The following PCDHGA1 variants were observed in gnomAD, a reference collection of about 807,000 sequenced individuals.
The protein encoded by PCDHGA1 is protocadherin gamma subfamily A, 1.
Under a neutral mutation model 58.0 loss-of-function variants are expected in PCDHGA1, and 32 were observed. The observed-to-expected ratio is 0.55, with a 90% CI of 0.42 to 0.74. The LOEUF (loss-of-function observed/expected upper bound fraction) is 0.74, where lower values mean the gene tolerates loss of function less well. PCDHGA1 is among the 30% of genes least tolerant of loss of function. PCDHGA1 has a pLI of 0.00. For missense variants in PCDHGA1, 1,205 were observed against 1,182.3 expected, an observed-to-expected ratio of 1.02 and a Z score of -0.28; for synonymous variants, 498 against 501.1, an observed-to-expected ratio of 0.99 and a Z score of 0.08.
intron 1 of PCDHGA1, chr5:141,393,545 C>CCCGATTTA (rs1171677857): frequency 1.2e-6 from 2 of 1,613,858 alleles, no homozygotes; most frequent in African/African-American, 1.3e-5. Context: ...TTTTTCCTCA[C>CCCGATTTA]CCGATTTACC....
chr5:141,342,103 G>A (rs1054357934), intron 1 of PCDHGA1: 1 of 46,066 alleles, frequency 2.2e-5, no homozygotes, highest in Admixed American at 2.2e-4. Flanking sequence ...TAATAAACAG[G>A]TTTCTCCTTT....
rs2090285300 is a variant in PCDHGA1 at position 141,385,561 on chromosome 5, TC to T, written c.2421+52458del. On this transcript the variant is annotated intron_variant, in intron 1 of 3. Coordinates refer to ENST00000517417, the MANE Select transcript of PCDHGA1 (RefSeq NM_018912.3). ...ATGTGGACTATCACATTTTATAATT[TC>T]CACCTACTTTCCAATCTATGTTCCA... The T allele has an allele frequency of 1.2e-5, 16 of 1,309,040 alleles. No homozygotes were observed. In the South Asian group the frequency reaches 3.4e-4, roughly 28 times the overall value. 81.1% of individuals were successfully genotyped at this position (1,309,040 alleles called of 1,614,324 possible).
chr5:141,344,422 C>T (rs771729172), intron 1 of PCDHGA1: 52 of 1,612,410 alleles, frequency 3.2e-5, no homozygotes, highest in Non-Finnish European at 4.3e-5. Context: ...AATGATAATG[C>T]TCCTAATTTC....
At chr5:141,362,250 C>A (rs997382173) in intron 1 of PCDHGA1, 5 of 1,614,018 alleles carry the variant, frequency 3.1e-6, no homozygotes, top group Non-Finnish European at 4.2e-6. Flanking sequence ...TCTTCTTCCT[C>A]GCGGTGATTC....
chr5:141,491,072 C>T lies in PCDHGA1; in HGVS notation c.2422-3735C>T, dbSNP rs778221466. The T allele has an allele frequency of 6.2e-7, 1 of 1,614,204 alleles. No individual in the cohort carries two copies. Among genetic ancestry groups the T allele is most frequent in the South Asian group, 1.1e-5 (1 of 91,086 alleles). On this transcript the variant is annotated intron_variant, in intron 1 of 3. Coordinates refer to ENST00000517417, the MANE Select transcript of PCDHGA1 (RefSeq NM_018912.3). The surrounding 1 kb of genome is among the most constrained non-coding windows in gnomAD (Gnocchi z 6.9). ...GCGTGGCTCTCCTACTCACTGTTGCCACAGTCCACAGCCCCAGGACTGTTC... is the reference window on the plus strand; with the variant it reads ...GCGTGGCTCTCCTACTCACTGTTGCTACAGTCCACAGCCCCAGGACTGTTC...
chr5:141,352,097 T>G (rs761063437), intron 1 of PCDHGA1: 2 of 1,605,974 alleles, frequency 1.2e-6, no homozygotes, highest in Admixed American at 1.7e-5. Flanking sequence ...GCCCGGGCTC[T>G]TCAGCCTGGG....
Position 141,447,603 on chromosome 5 carries a change from T to G in PCDHGA1, c.2422-47204T>G, listed in dbSNP as rs146950525. On this transcript the variant is annotated intron_variant, in intron 1 of 3. Transcript: ENST00000517417. ...ATACCTTAAACATCCTATAGAGTCC[T>G]TAGCATTTTAAAGTTGAAACCAACA... Among the ~76,000 whole-genome samples, 378 of 152,270 alleles carry G rather than the reference T, an allele frequency of 2.5e-3. 1 individual carries two copies. Among genetic ancestry groups the G allele is most frequent in the Non-Finnish European group, 4.5e-3 (309 of 68,030 alleles).
intron 1 of PCDHGA1, chr5:141,362,455 T>C (rs1762512121): frequency 6.2e-7 from 1 of 1,614,010 alleles, no homozygotes; most frequent in Non-Finnish European, 8.5e-7. Flanking sequence ...AACCCCGGAA[T>C]TGGTTCCCGC....
At chr5:141,443,953 T>C (rs1373953428) in intron 1 of PCDHGA1, among the ~76,000 whole-genome samples, 1 of 152,142 alleles carries the variant, frequency 6.6e-6, no homozygotes, top group Non-Finnish European at 1.5e-5. Context: ...CTTATTGGTA[T>C]GTATTCTGTG....
rs561053469 is a variant in PCDHGA1 at position 141,389,531 on chromosome 5, A to G, written c.2421+56426A>G. The G allele has an allele frequency of 5.0e-6, 8 of 1,613,210 alleles. No individual in the cohort carries two copies. In the East Asian group the frequency reaches 6.7e-5, roughly 13 times the overall value. On this transcript the variant is annotated intron_variant, in intron 1 of 3. Transcript: ENST00000517417. ...GCGCGAACGTGAGCCTGCGCGTGTT[A>G]GTGGACGACCGCAACGACAATGCGC...
chr5:141,438,583 CATACATACATATATAT>C (rs1183800202), intron 1 of PCDHGA1, among the ~76,000 whole-genome samples: 1 of 57,610 alleles, frequency 1.7e-5, no homozygotes, highest in African/African-American at 9.0e-5. Context: ...TACATACATA[CATACATACATATATAT>C]ATATATATAT....
intron 1 of PCDHGA1, chr5:141,430,554 A>G (rs372392559): frequency 3.2e-5 from 13 of 411,906 alleles, no homozygotes; most frequent in Admixed American, 4.0e-5. Context: ...CTGTTCACCA[A>G]TCGGGGAGAG....
rs541533867 is a variant in PCDHGA1 at position 141,415,164 on chromosome 5, G to T, written c.2422-79643G>T. 6.8e-6 allele frequency: 11 copies of T among 1,613,838 alleles called. No individual in the cohort carries two copies. The African/African-American group carries it at 1.3e-4, about 20-fold the overall frequency. Reference sequence around the variant, plus strand: ...AGCCCCCTCTCTCCGCCACTGTCACGCTCACCGTGGCCGTGGCCGACAGCA... The same window carrying T: ...AGCCCCCTCTCTCCGCCACTGTCACTCTCACCGTGGCCGTGGCCGACAGCA... On this transcript the variant is annotated intron_variant, in intron 1 of 3. Transcript: ENST00000517417.
rs1297105453 is a variant in PCDHGA1, at chr5:141,357,419, T to C, written c.2421+24314T>C. On this transcript the variant is annotated intron_variant, in intron 1 of 3. Transcript: ENST00000517417. ...TTGGCAGGTGTGCCTGCCTCGCACT[T>C]TGTGGGCGTGGACGGGGTTCGGGCT... 4 of 1,614,064 alleles carry C rather than the reference T, an allele frequency of 2.5e-6. No homozygotes were observed. In the Admixed American group the frequency reaches 5.0e-5, roughly 20 times the overall value.
intron 1 of PCDHGA1, chr5:141,356,562 T>C (rs1760257750): frequency 6.2e-7 from 1 of 1,614,042 alleles, no homozygotes; most frequent in Admixed American, 1.7e-5. Context: ...CTTTCCCTCA[T>C]GCTTCCTACT....
intron 1 of PCDHGA1, among the ~76,000 whole-genome samples, chr5:141,347,616 G>A (rs1322206941): frequency 1.3e-5 from 2 of 152,010 alleles, no homozygotes; most frequent in Admixed American, 1.3e-4. Flanking sequence ...GTGAAAGCCT[G>A]TCTCTACTAA....
Position 141,409,527 on chromosome 5 carries a change from T to A in PCDHGA1, c.2421+76422T>A. 1 of 1,613,970 alleles carries A rather than the reference T, an allele frequency of 6.2e-7. No homozygotes were observed. Among genetic ancestry groups the A allele is most frequent in the South Asian group, 1.1e-5 (1 of 91,084 alleles). ...TCCAGTAGAAGCATCACCTTGTATGTCGCTGACATCAACGACAACGCCCCA... is the reference window on the plus strand; with the variant it reads ...TCCAGTAGAAGCATCACCTTGTATGACGCTGACATCAACGACAACGCCCCA... On this transcript the variant is annotated intron_variant, in intron 1 of 3. Coordinates refer to ENST00000517417, the MANE Select transcript of PCDHGA1 (RefSeq NM_018912.3).
In PCDHGA1 at chr5:141,355,063, C is replaced by T. The variant is rs902736924; in HGVS notation, c.2421+21958C>T. The T allele has an allele frequency of 8.4e-6, 11 of 1,314,420 alleles. No homozygotes were observed. The African/African-American group carries it at 1.6e-4, about 19-fold the overall frequency. The allele number at this position is 1,314,420 out of a possible 1,614,324, so 81.4% of individuals were successfully genotyped here. The stretch of plus-strand genomic sequence containing the variant: ...GCAGCACAAAGCACTGGCTCTGGAG[C>T]TTTATGAAAGCTTCAAGCGGAAGCC... On this transcript the variant is annotated intron_variant, in intron 1 of 3. Transcript: ENST00000517417.
chr5:141,476,672 A>T lies in PCDHGA1; in HGVS notation c.2422-18135A>T. 6.2e-7 allele frequency: 1 copy of T among 1,614,206 alleles called. No individual in the cohort carries two copies. Among genetic ancestry groups the T allele is most frequent in the African/African-American group, 1.3e-5 (1 of 75,058 alleles). ...TGAATACTTTGCGCTTCGCGTGCAG[A>T]CGCGGGAGGACAGCACCAAGTACGC... On this transcript the variant is annotated intron_variant, in intron 1 of 3. Transcript: ENST00000517417. The surrounding 1 kb of genome is among the most constrained non-coding windows in gnomAD (Gnocchi z 7.6).
Sources: gnomAD v4.1 joint callset for allele counts (sites outside exome capture counted in the v4.1 genomes callset) on GRCh38, gnomAD v4.1.1 for gene constraint, Gnocchi (gnomAD v3.1) non-coding constraint, MANE v1.5 for transcripts, NCBI Gene and HGNC (gene_info 2026-07-23, HGNC 2026-07-21) for gene names.